HPGD: variants seen among roughly 807,000 people sequenced by gnomAD.
The protein encoded by HPGD is 15-hydroxyprostaglandin dehydrogenase.
Under a neutral mutation model 30.0 loss-of-function variants are expected in HPGD, and 29 were observed. That is an observed-to-expected ratio of 0.97 (90% confidence interval 0.72 to 1.32). HPGD has a LOEUF of 1.32. Among genes scored for constraint, HPGD ranks in the 40% most tolerant of loss-of-function variants. The pLI is 0.00. For synonymous variants in HPGD, 99 were observed against 112.4 expected (o/e 0.88, Z 0.75); for missense variants, 340 against 322.1 (o/e 1.06, Z -0.43).
intron 4 of HPGD, among the ~76,000 whole-genome samples, chr4:174,500,747 G>T (rs1474442012): frequency 6.6e-6 from 1 of 152,182 alleles, no homozygotes; most frequent in Non-Finnish European, 1.5e-5. Flanking sequence ...GGGAGGAAGG[G>T]ATGAACAGGT....
At position 174,518,080 on chromosome 4, in the gene HPGD, A is replaced by C; in HGVS notation, c.218-3T>G. On this transcript the variant is annotated splice_polypyrimidine_tract_variant and splice_region_variant and intron_variant, in intron 2 of 6. Coordinates refer to ENST00000296522, the MANE Select transcript of HPGD (RefSeq NM_000860.6). ...GTCTACAACTTTTCTAAAAGTGTCT[A>C]ATTATAAAACAAGATATTAGTGATA... The C allele has an allele frequency of 1.4e-6, 2 of 1,422,456 alleles. No individual in the cohort carries two copies. Among genetic ancestry groups the C allele is most frequent in the Non-Finnish European group, 2.0e-6 (2 of 1,006,256 alleles). The allele number at this position is 1,422,456 out of a possible 1,614,324, so 88.1% of individuals were successfully genotyped here.
intron 3 of HPGD, among the ~76,000 whole-genome samples, chr4:174,514,901 G>T (rs1008578022): frequency 2.0e-5 from 3 of 152,016 alleles, no homozygotes; most frequent in African/African-American, 7.2e-5. Context: ...AATCAAGAAT[G>T]CAATCCCATT....
intron 4 of HPGD, 120 bp downstream of exon 4, chr4:174,508,576 A>C: frequency 1.4e-6 from 1 of 731,788 alleles, no homozygotes; most frequent in Non-Finnish European, 2.5e-6. Flanking sequence ...ATGGAACTAT[A>C]AAACGATCAG....
At chr4:174,510,555 T>G (rs1579293223) in intron 3 of HPGD, among the ~76,000 whole-genome samples, 1 of 152,144 alleles carries the variant, frequency 6.6e-6, no homozygotes, top group Non-Finnish European at 1.5e-5. Flanking sequence ...GATAGAAAAT[T>G]TGAGATTTTT....
intron 2 of HPGD, among the ~76,000 whole-genome samples, chr4:174,519,904 T>C (rs1368344460): frequency 5.9e-5 from 9 of 152,178 alleles, no homozygotes; most frequent in Admixed American, 5.9e-4. Flanking sequence ...CCTGACCTCG[T>C]GATCCGCCCG....
chr4:174,522,601 C>A, upstream of HPGD: 1 of 546,168 alleles, frequency 1.8e-6, no homozygotes, highest in South Asian at 2.6e-5. Context: ...CAGCGCCCGC[C>A]GGGGAACCCA....
chr4:174,505,570 T>C (rs1345224495), intron 4 of HPGD, among the ~76,000 whole-genome samples: 2 of 152,194 alleles, frequency 1.3e-5, no homozygotes, highest in Non-Finnish European at 2.9e-5. Context: ...TACAATATCC[T>C]GAATTTTTAT....
intron 4 of HPGD, 89 bp from the exon 5 acceptor site, chr4:174,495,713 G>A: frequency 1.1e-6 from 1 of 897,426 alleles, no homozygotes; most frequent in South Asian, 1.4e-5. Context: ...AATATTTTGT[G>A]ATAATTTCAA....
At chr4:174,508,201 C>T (rs1230885513) in intron 4 of HPGD, 1 of 667,510 alleles carries the variant, frequency 1.5e-6, no homozygotes, top group East Asian at 2.8e-5. Context: ...AAGGATCTTG[C>T]CTCAGACTGA....
In HPGD at chr4:174,493,207, T is replaced by C. The variant is rs374385011; in HGVS notation, c.606A>G (p.Gln202=). The C allele has an allele frequency of 1.0e-4, 163 of 1,608,768 alleles. 6 individuals are homozygous for C. In the South Asian group the frequency reaches 1.3e-3, roughly 13 times the overall value. ...TGATATGATCCTTATATTCTATATA[T>C]TGTCCCATGTTTTCTTCTTTTTCAA... ...ESIEKEENMG[Q]YIEYKDHIKD... The change falls in exon 6 of 7, where the codon CAA becomes CAG. Residue 202 remains glutamine, a synonymous_variant. Transcript: ENST00000296522.
At chr4:174,521,416 TTATTTTA>T (rs1440387894) in intron 2 of HPGD, among the ~76,000 whole-genome samples, 1 of 152,222 alleles carries the variant, frequency 6.6e-6, no homozygotes, top group Non-Finnish European at 1.5e-5. Flanking sequence ...ACTATTATTA[TTATTTTA>T]AAGTACTGTC....
intron 5 of HPGD, among the ~76,000 whole-genome samples, chr4:174,493,631 G>A (rs1734451833): frequency 1.3e-5 from 2 of 151,988 alleles, no homozygotes; most frequent in African/African-American, 2.4e-5. Context: ...ACTTAGAATC[G>A]ATATCCCAAG....
Position 174,496,506 on chromosome 4 carries a change from C to T in HPGD, c.422-882G>A, listed in dbSNP as rs897909746. 2.0e-5 allele frequency among the ~76,000 whole-genome samples: 3 copies of T among 152,146 alleles called. No homozygotes were observed. Among genetic ancestry groups the T allele is most frequent in the Admixed American group, 6.5e-5 (1 of 15,268 alleles). On this transcript the variant is annotated intron_variant, in intron 4 of 6. Transcript: ENST00000296522. The surrounding 1 kb of genome is among the most constrained non-coding windows in gnomAD (Gnocchi z 4.6). Reference sequence around the variant, plus strand: ...AACTATTATTATCAAGCTTATTTCTCAAAATTGTTAATTATCTAATCAGCA... The same window carrying T: ...AACTATTATTATCAAGCTTATTTCTTAAAATTGTTAATTATCTAATCAGCA...
At chr4:174,503,488 T>C (rs1735024244) in intron 4 of HPGD, among the ~76,000 whole-genome samples, 1 of 152,200 alleles carries the variant, frequency 6.6e-6, no homozygotes, top group Admixed American at 6.5e-5. Flanking sequence ...GCCAATAGTT[T>C]ACCACAATGC....
chr4:174,510,881 T>C (rs1212541791), intron 3 of HPGD, among the ~76,000 whole-genome samples: 1 of 152,178 alleles, frequency 6.6e-6, no homozygotes, highest in Non-Finnish European at 1.5e-5. Context: ...CCTCAACTAA[T>C]CCGCCCACCT....
In HPGD at chr4:174,518,070, A is replaced by T. The variant is rs1186667667; in HGVS notation, c.225T>A (p.Phe75Leu). 2.0e-6 allele frequency: 3 copies of T among 1,500,232 alleles called. No homozygotes were observed. Among genetic ancestry groups the T allele is most frequent in the Admixed American group, 1.7e-5 (1 of 59,732 alleles). 92.9% of individuals were successfully genotyped at this position (1,500,232 alleles called of 1,614,324 possible). Residue 75 changes from phenylalanine (F) to leucine (L), a missense_variant, in exon 3 of 7, where the codon TTT (phenylalanine) becomes TTA (leucine). Physicochemically the swap from Phe to Leu is conservative, Grantham distance 22. Coordinates refer to ENST00000296522, the MANE Select transcript of HPGD (RefSeq NM_000860.6). ...VADQQQLRDTFRKVVDHFGRL... is the reference protein window; with the variant it reads ...VADQQQLRDTLRKVVDHFGRL... ...TTCCAAAGTGGTCTACAACTTTTCT[A>T]AAAGTGTCTAATTATAAAACAAGAT...
chr4:174,491,890 A>G lies in HPGD; in HGVS notation c.*66T>C. On this transcript the variant is annotated 3_prime_UTR_variant, in exon 7 of 7. Transcript: ENST00000296522. ...CATTTCATTTAAAAGCTATATTCAA[A>G]TGAAGATAGGATCTGAATATAAGCT... The G allele has an allele frequency of 7.4e-7, 1 of 1,351,256 alleles. No individual in the cohort carries two copies. The highest frequency in any genetic ancestry group is 1.2e-5 in the South Asian group (1 of 85,192). 83.7% of individuals were successfully genotyped at this position (1,351,256 alleles called of 1,614,324 possible). A position where few individuals can be genotyped will look rare whatever the true frequency, so the allele number is the denominator to read the frequency against.
intron 2 of HPGD, among the ~76,000 whole-genome samples, chr4:174,519,307 G>C (rs1488975508): frequency 6.6e-6 from 1 of 150,866 alleles, no homozygotes; most frequent in African/African-American, 2.4e-5. Flanking sequence ...TCCACCTCCC[G>C]GGTTCACGCC....
rs891787655 is a variant in HPGD at position 174,496,202 on chromosome 4, CTT to C, written c.422-580_422-579del. Among the ~76,000 whole-genome samples the C allele has an allele frequency of 2.0e-5, 3 of 152,164 alleles. No homozygotes were observed. The highest frequency in any genetic ancestry group is 4.4e-5 in the Non-Finnish European group (3 of 68,026). On this transcript the variant is annotated intron_variant, in intron 4 of 6. Coordinates refer to ENST00000296522, the MANE Select transcript of HPGD (RefSeq NM_000860.6). This position sits in a 1 kb window ranked among gnomAD's most constrained non-coding sequence, Gnocchi z 4.6. ...TTTGATCTATTGTAGATGCCTAGAT[CTT>C]TTTGTCCTATGACTTAGGAAGATAG... is the stretch of plus-strand genomic sequence containing the variant.
Sources: allele counts gnomAD v4.1 joint callset (sites outside exome capture counted in the v4.1 genomes callset), GRCh38; gene constraint gnomAD v4.1.1; non-coding constraint Gnocchi (gnomAD v3.1); transcripts MANE v1.5; gene names NCBI Gene and HGNC (gene_info 2026-07-23, HGNC 2026-07-21).